FAAH2: variants seen among roughly 807,000 people sequenced by gnomAD.
FAAH2 encodes fatty-acid amide hydrolase 2.
Under a neutral mutation model 36.9 loss-of-function variants are expected in FAAH2, and 60 were observed. The observed-to-expected ratio is 1.63, with a 90% CI of 1.32 to 2.02. FAAH2 has a LOEUF of 2.02. Ranked by LOEUF, FAAH2 falls within the 30% of genes most tolerant of loss-of-function variation. The pLI is 0.00. For missense variants in FAAH2, 689 were observed against 397.5 expected, an observed-to-expected ratio of 1.73 and a Z score of -6.23; for synonymous variants, 214 against 143.8, an observed-to-expected ratio of 1.49 and a Z score of -3.49.
chrX:57,270,462 T>G, the FAAH2 span, among the ~76,000 whole-genome samples: 2 of 111,808 alleles, frequency 1.8e-5, no homozygotes, highest in Non-Finnish European at 3.8e-5. Flanking sequence ...GATGCAAAAA[T>G]CCTCATCAAA....
intron 8 of FAAH2, among the ~76,000 whole-genome samples, chrX:57,445,515 A>T (rs1219896824): frequency 9.0e-6 from 1 of 110,578 alleles, no homozygotes; most frequent in Non-Finnish European, 1.9e-5. Context: ...TTTATAGGAG[A>T]CTCTGGTGCT....
rs1000901854 is a variant in FAAH2 at position 57,446,959 on chromosome X, A to G, written c.1148A>G (p.Asp383Gly). The change falls in exon 9 of 11, where the codon GAC (aspartate) becomes GGC (glycine). Residue 383 changes from aspartate (D) to glycine (G), a missense_variant. Asp to Gly is a moderately conservative substitution (Grantham distance 94). Transcript: ENST00000374900. ...GTGAAATTTGTAGATTTGCTTGGTG[A>G]CCATGGGAAACATGTCAGTCCTCTG... ...EPVKFVDLLG[D>G]HGKHVSPLWE... is the part of the protein sequence containing the mutation. 1 of 1,209,663 alleles carries G rather than the reference A, an allele frequency of 8.3e-7. No homozygotes were observed. The highest frequency in any genetic ancestry group is 1.1e-6 in the Non-Finnish European group (1 of 894,543).
intron 5 of FAAH2, among the ~76,000 whole-genome samples, chrX:57,377,302 C>A (rs749948088): frequency 1.8e-5 from 2 of 112,243 alleles, no homozygotes; most frequent in Non-Finnish European, 3.8e-5. Flanking sequence ...AGTCTTTAAT[C>A]CATGTTGAGT....
chrX:57,407,370 G>A (rs918930147), intron 7 of FAAH2, among the ~76,000 whole-genome samples: 3 of 111,915 alleles, frequency 2.7e-5, no homozygotes, highest in Non-Finnish European at 5.6e-5. Flanking sequence ...CCCCCAGGAA[G>A]TTCCCACATA....
At chrX:57,258,709 CTTTT>C in the FAAH2 span, among the ~76,000 whole-genome samples, 3 of 87,850 alleles carry the variant, frequency 3.4e-5, no homozygotes. Flanking sequence ...TTTTTGTTGC[CTTTT>C]TTTTTTTTTT....
the FAAH2 span, among the ~76,000 whole-genome samples, chrX:57,221,561 C>A: frequency 9.0e-6 from 1 of 111,009 alleles, no homozygotes; most frequent in South Asian, 3.8e-4. Context: ...TTTAACACAC[C>A]AGTTCTACCT....
At chrX:57,296,096 A>G (rs1044023954) in intron 2 of FAAH2, among the ~76,000 whole-genome samples, 2 of 112,137 alleles carry the variant, frequency 1.8e-5, no homozygotes, top group Non-Finnish European at 3.8e-5. Context: ...ACAGATTTGA[A>G]GAGAGTAGTG....
chrX:57,163,852 A>G, the FAAH2 span, among the ~76,000 whole-genome samples: 1 of 112,524 alleles, frequency 8.9e-6, no homozygotes, highest in Non-Finnish European at 1.9e-5. Context: ...GCTGTAGACC[A>G]GAGCTGTTTC....
chrX:57,234,127 C>A, the FAAH2 span, among the ~76,000 whole-genome samples: 1 of 112,644 alleles, frequency 8.9e-6, no homozygotes, highest in Non-Finnish European at 1.9e-5. Flanking sequence ...AACTGGGCAT[C>A]TTTTTTAAGT....
chrX:57,283,771 G>A (rs1368489251), upstream of FAAH2, among the ~76,000 whole-genome samples: 3 of 111,495 alleles, frequency 2.7e-5, no homozygotes, highest in East Asian at 2.9e-4. Context: ...TTATTCCCTG[G>A]CCTGAATGCA....
chrX:57,261,882 T>A, the FAAH2 span, among the ~76,000 whole-genome samples: 699 of 111,276 alleles, frequency 6.3e-3, 3 homozygotes, highest in Middle Eastern at 0.018. Flanking sequence ...TTGCTGGTGA[T>A]GTTGCAAGAA....
chrX:57,247,428 A>G, the FAAH2 span, among the ~76,000 whole-genome samples: 2 of 111,641 alleles, frequency 1.8e-5, no homozygotes, highest in African/African-American at 3.3e-5. Flanking sequence ...GTGTATTAAC[A>G]TATCAATTTT....
intron 3 of FAAH2, among the ~76,000 whole-genome samples, chrX:57,324,329 T>G (rs906823707): frequency 1.8e-5 from 2 of 112,074 alleles, no homozygotes; most frequent in African/African-American, 3.2e-5. Context: ...GCGGGCTCTT[T>G]TTTGGTTCCA....
chrX:57,420,990 TG>T (rs2056006979), intron 7 of FAAH2, among the ~76,000 whole-genome samples: 1 of 112,623 alleles, frequency 8.9e-6, no homozygotes, highest in Non-Finnish European at 1.9e-5. Context: ...ATGTGGTTTT[TG>T]TCTTTGGTTT....
At position 57,393,433 on chromosome X, in the gene FAAH2, A is replaced by G. The variant is rs906708644; in HGVS notation, c.996+12404A>G. On this transcript the variant is annotated intron_variant, in intron 7 of 10. Coordinates refer to ENST00000374900, the MANE Select transcript of FAAH2 (RefSeq NM_174912.4). Reference sequence around the variant, plus strand: ...ACTTTTCTATTCCAATGTCTGCTCCAAATCCCGCCTCCGTCACTACAAACC... The same window carrying G: ...ACTTTTCTATTCCAATGTCTGCTCCGAATCCCGCCTCCGTCACTACAAACC... 39 of 818,108 alleles carry G rather than the reference A, an allele frequency of 4.8e-5. No individual in the cohort carries two copies. The Admixed American group carries it at 8.4e-4, about 18-fold the overall frequency. 67.4% of individuals were successfully genotyped at this position (818,108 alleles called of 1,213,427 possible).
At chrX:57,221,475 A>G in the FAAH2 span, among the ~76,000 whole-genome samples, 1 of 110,939 alleles carries the variant, frequency 9.0e-6, no homozygotes, top group Non-Finnish European at 1.9e-5. Context: ...CCATCCCCCA[A>G]GTAGCTCTCA....
the FAAH2 span, among the ~76,000 whole-genome samples, chrX:57,270,746 C>G: frequency 8.2e-3 from 909 of 111,022 alleles, 2 homozygotes; most frequent in Non-Finnish European, 0.012. Flanking sequence ...GAATTTTCTC[C>G]CCTACACAAG....
At chrX:57,163,776 A>T in the FAAH2 span, among the ~76,000 whole-genome samples, 3 of 112,104 alleles carry the variant, frequency 2.7e-5, no homozygotes, top group Non-Finnish European at 5.6e-5. Flanking sequence ...CTACCTAGTG[A>T]GATGAACCCG....
At chrX:57,447,733 G>C (rs1465223351) in intron 9 of FAAH2, among the ~76,000 whole-genome samples, 2 of 12,331 alleles carry the variant, frequency 1.6e-4, no homozygotes, top group Non-Finnish European at 0.018. Flanking sequence ...AGGGCACCAA[G>C]TCCCTGGGCT....
Sources: gnomAD v4.1 joint callset for allele counts (sites outside exome capture counted in the v4.1 genomes callset) on GRCh38, gnomAD v4.1.1 for gene constraint, MANE v1.5 for transcripts, NCBI Gene and HGNC (gene_info 2026-07-23, HGNC 2026-07-21) for gene names.